Variants in MACROD2 observed in about 807,000 individuals in gnomAD.
MACROD2 encodes the protein mono-ADP ribosylhydrolase 2, also known as ADP-ribose glycohydrolase MACROD2.
Under a neutral mutation model 70.4 loss-of-function variants are expected in MACROD2, and 36 were observed. The ratio of observed to expected loss-of-function variants is 0.51; its 90% CI spans 0.39 to 0.68. The LOEUF is 0.68. MACROD2 is among the 30% of genes least tolerant of loss of function. The pLI is 0.00. For missense variants in MACROD2, 496 were observed against 538.4 expected, an observed-to-expected ratio of 0.92 and a Z score of 0.78; for synonymous variants, 172 against 178.8, an observed-to-expected ratio of 0.96 and a Z score of 0.30.
chr20:15,156,645 G>A (rs2145868681), intron 5 of MACROD2, among the ~76,000 whole-genome samples: 1 of 152,216 alleles, frequency 6.6e-6, no homozygotes, highest in African/African-American at 2.4e-5. Flanking sequence ...ACCACCCTAG[G>A]CCTGGGTGAT....
chr20:14,396,924 C>A (rs371857323), intron 3 of MACROD2, among the ~76,000 whole-genome samples: 999 of 82,252 alleles, frequency 0.012, no homozygotes, highest in East Asian at 0.017. Flanking sequence ...GACTCCATCT[C>A]AAAAAAAAAA....
intron 5 of MACROD2, among the ~76,000 whole-genome samples, chr20:14,738,225 T>C (rs2071691318): frequency 6.6e-6 from 1 of 152,036 alleles, no homozygotes; most frequent in South Asian, 2.1e-4. Flanking sequence ...CAAAATATAA[T>C]TAACAAAGAA....
intron 5 of MACROD2, among the ~76,000 whole-genome samples, chr20:15,029,282 C>G (rs117819472): frequency 6.6e-6 from 1 of 152,318 alleles, no homozygotes; most frequent in Non-Finnish European, 1.5e-5. Context: ...CCTAAATTCT[C>G]ATTCTAATTC....
chr20:14,628,365 C>A (rs1984306200), intron 4 of MACROD2, among the ~76,000 whole-genome samples: 1 of 151,820 alleles, frequency 6.6e-6, no homozygotes, highest in Non-Finnish European at 1.5e-5. Context: ...GAAACGATGG[C>A]TGGAAATCAT....
At chr20:16,009,102 C>G (rs2147522475) in intron 15 of MACROD2, among the ~76,000 whole-genome samples, 1 of 152,178 alleles carries the variant, frequency 6.6e-6, no homozygotes, top group Admixed American at 6.5e-5. Context: ...GGCTCTGTCC[C>G]CATGAAGAAT....
chr20:14,845,621 T>G (rs535384601), intron 5 of MACROD2, among the ~76,000 whole-genome samples: 2 of 152,194 alleles, frequency 1.3e-5, no homozygotes, highest in African/African-American at 4.8e-5. Context: ...GCAGAATGCA[T>G]TTCTTGTACA....
At chr20:14,597,726 T>C (rs1027110982) in intron 4 of MACROD2, among the ~76,000 whole-genome samples, 2 of 152,274 alleles carry the variant, frequency 1.3e-5, no homozygotes, top group South Asian at 2.1e-4. Context: ...AATTGTTTCT[T>C]CTTTCCTTTT....
chr20:15,239,918 A>G (rs1002560897), intron 6 of MACROD2, among the ~76,000 whole-genome samples: 4 of 152,208 alleles, frequency 2.6e-5, no homozygotes, highest in Admixed American at 2.0e-4. Context: ...ACAAGGGAGC[A>G]TGGCAGATGG....
At chr20:14,206,680 A>T (rs1397640286) in intron 3 of MACROD2, among the ~76,000 whole-genome samples, 7 of 147,066 alleles carry the variant, frequency 4.8e-5, no homozygotes, top group Non-Finnish European at 9.0e-5. Flanking sequence ...TAAGTCAGTT[A>T]CTTGCTTGAA....
intron 8 of MACROD2, among the ~76,000 whole-genome samples, chr20:15,682,072 A>T (rs1335768469): frequency 2.0e-5 from 3 of 152,178 alleles, no homozygotes; most frequent in Non-Finnish European, 4.4e-5. Flanking sequence ...CAATCCTGTG[A>T]GAATATGTAT....
chr20:14,121,093 G>T (rs909526147), intron 3 of MACROD2, among the ~76,000 whole-genome samples: 1 of 151,922 alleles, frequency 6.6e-6, no homozygotes, highest in Admixed American at 6.6e-5. Context: ...ATCTAATATT[G>T]TTTCTATTAG....
At chr20:14,925,444 A>G (rs1328974815) in intron 5 of MACROD2, among the ~76,000 whole-genome samples, 1 of 152,182 alleles carries the variant, frequency 6.6e-6, no homozygotes, top group Non-Finnish European at 1.5e-5. Flanking sequence ...GAATTTTCTG[A>G]AGGCATGACT....
chr20:15,187,986 A>G (rs1228735472), intron 5 of MACROD2, among the ~76,000 whole-genome samples: 1 of 152,114 alleles, frequency 6.6e-6, no homozygotes, highest in African/African-American at 2.4e-5. Flanking sequence ...CCCTCCATCC[A>G]TCCCCTACAC....
intron 3 of MACROD2, among the ~76,000 whole-genome samples, chr20:14,169,494 G>GT: frequency 6.6e-6 from 1 of 151,486 alleles, no homozygotes; most frequent in Non-Finnish European, 1.5e-5. Flanking sequence ...AGTAGAGATG[G>GT]GGTTTCTCCA....
chr20:14,894,679 A>T (rs1027171655), intron 5 of MACROD2: 23 of 152,164 alleles, frequency 1.5e-4, no homozygotes, highest in African/African-American at 4.6e-4. Context: ...ATCTTTTTTT[A>T]TTTGAAAAAT....
chr20:14,048,747 A>G (rs1181100270), intron 2 of MACROD2, among the ~76,000 whole-genome samples: 1 of 152,242 alleles, frequency 6.6e-6, no homozygotes, highest in African/African-American at 2.4e-5. Context: ...TTTATGTTAA[A>G]CATTTGTGAA....
At chr20:14,503,696 G>A (rs186631041) in intron 4 of MACROD2, among the ~76,000 whole-genome samples, 42 of 152,258 alleles carry the variant, frequency 2.8e-4, no homozygotes, top group Non-Finnish European at 2.9e-5. Flanking sequence ...AGCCATGAGG[G>A]GCACAAAGCC....
At chr20:15,151,438 G>A (rs538116942) in intron 5 of MACROD2, among the ~76,000 whole-genome samples, 1 of 152,196 alleles carries the variant, frequency 6.6e-6, no homozygotes, top group African/African-American at 2.4e-5. Flanking sequence ...TTGCTACTTG[G>A]CTGTCTCTAC....
intron 9 of MACROD2, among the ~76,000 whole-genome samples, chr20:15,879,840 C>T (rs1601045866): frequency 6.6e-6 from 1 of 152,018 alleles, no homozygotes; most frequent in Admixed American, 6.6e-5. Flanking sequence ...AGTTCAAAGG[C>T]CTGAGAACCA....
Sources: gnomAD v4.1 joint callset for allele counts (sites outside exome capture counted in the v4.1 genomes callset) on GRCh38, gnomAD v4.1.1 for gene constraint, MANE v1.5 for transcripts, NCBI Gene and HGNC (gene_info 2026-07-23, HGNC 2026-07-21) for gene names.